INTS4: variants seen among roughly 807,000 people sequenced by gnomAD.
INTS4 encodes integrator complex subunit 4, also known as MSTP093.
Under a neutral mutation model 119.5 loss-of-function variants are expected in INTS4, and 70 were observed. The observed-to-expected ratio is 0.59, with a 90% CI of 0.48 to 0.71. The LOEUF is 0.71. Among genes scored for constraint, INTS4 ranks in the 30% least tolerant of loss-of-function variants. The pLI, the probability that INTS4 is intolerant of heterozygous loss-of-function variation, is 0.00. For missense variants in INTS4, 867 were observed against 1,173.2 expected, an observed-to-expected ratio of 0.74 and a Z score of 3.81; for synonymous variants, 316 against 419.6, an observed-to-expected ratio of 0.75 and a Z score of 3.02.
intron 2 of INTS4, among the ~76,000 whole-genome samples, chr11:77,982,061 GC>G (rs1316433173): frequency 6.8e-4 from 103 of 151,828 alleles, no homozygotes; most frequent in Non-Finnish European, 7.4e-5. Flanking sequence ...CAGTACCACT[GC>G]TTTTGGAGTC....
Position 77,949,162 on chromosome 11 carries a change from C to T in INTS4, c.918+6780G>A, listed in dbSNP as rs187365750. Among the ~76,000 whole-genome samples, 349 of 152,084 alleles carry T rather than the reference C, an allele frequency of 2.3e-3. 3 individuals are homozygous for T. The highest frequency in any genetic ancestry group is 3.7e-3 in the Non-Finnish European group (255 of 68,000). ...AATAAAATCTTGTCATTTGCCACAT[C>T]GATAAACCTGGAGGACATCATGTAA... On this transcript the variant is annotated intron_variant, in intron 8 of 22. Coordinates refer to ENST00000534064, the MANE Select transcript of INTS4 (RefSeq NM_033547.4).
chr11:77,960,040 G>A (rs913626221), intron 6 of INTS4, among the ~76,000 whole-genome samples: 1 of 152,078 alleles, frequency 6.6e-6, no homozygotes, highest in Non-Finnish European at 1.5e-5. Flanking sequence ...ACAGTGATCA[G>A]AAAGACTAAC....
chr11:77,956,792 G>A, intron 7 of INTS4, among the ~76,000 whole-genome samples: 1 of 150,386 alleles, frequency 6.6e-6, no homozygotes, highest in Non-Finnish European at 1.5e-5. Context: ...TAAGGCTGCA[G>A]GCTCAATAAA....
At chr11:77,983,500 C>T (rs944751023) in intron 2 of INTS4, among the ~76,000 whole-genome samples, 1 of 151,928 alleles carries the variant, frequency 6.6e-6, no homozygotes, top group Non-Finnish European at 1.5e-5. Flanking sequence ...AGAAACAACC[C>T]AAATCAAAAC....
rs1437145882 is a variant in INTS4, at chr11:77,928,431, G to A, written c.1282C>T (p.Arg428Cys). ...DMFNDEIEEV[R>C]LQSIHTMRKI... ...CTCATGGTATGTATAGACTGCAGAC[G>A]TACTTCCTCAATTTCATCGTTGAAC... Residue 428 changes from arginine to cysteine, a missense_variant, in exon 11 of 23, where the codon CGT becomes TGT. Around this residue, in one of 5 missense-constraint regions of INTS4, gnomAD observed 208 missense variants for 306.6 expected, o/e 0.68. Transcript: ENST00000534064. The A allele has an allele frequency of 7.4e-6, 12 of 1,611,834 alleles. No homozygotes were observed. The highest frequency in any genetic ancestry group is 4.4e-5 in the South Asian group (4 of 90,900).
At chr11:77,922,611 A>G (rs1953390436) in intron 12 of INTS4, 140 bp from the exon 13 acceptor site, 2 of 857,686 alleles carry the variant, frequency 2.3e-6, no homozygotes, top group East Asian at 2.7e-5. Context: ...ATGACTTCAG[A>G]TAAGTCACCC....
intron 8 of INTS4, among the ~76,000 whole-genome samples, chr11:77,942,560 T>TACCTCTC (rs1953954032): frequency 6.6e-6 from 1 of 152,236 alleles, no homozygotes. Flanking sequence ...TAATCCCATA[T>TACCTCTC]ACCTCTCATC....
chr11:77,911,382 G>T (rs1407169678), intron 15 of INTS4, among the ~76,000 whole-genome samples: 4 of 152,120 alleles, frequency 2.6e-5, no homozygotes, highest in African/African-American at 4.8e-5. Context: ...TTTTTCTCTT[G>T]CAAGAGACAG....
intron 19 of INTS4, among the ~76,000 whole-genome samples, chr11:77,892,579 A>AT (rs1321487463): frequency 6.6e-6 from 1 of 151,734 alleles, no homozygotes; most frequent in African/African-American, 2.4e-5. Flanking sequence ...CAAAACTAGA[A>AT]TTTTTTTTTA....
chr11:77,980,988 G>A (rs537578131), intron 3 of INTS4, among the ~76,000 whole-genome samples: 74 of 149,552 alleles, frequency 4.9e-4, no homozygotes, highest in Middle Eastern at 3.4e-3. Context: ...GCGAGACTCC[G>A]TTAAAAAAAA....
At chr11:77,902,319 T>C (rs1221765311) in intron 17 of INTS4, among the ~76,000 whole-genome samples, 4 of 152,154 alleles carry the variant, frequency 2.6e-5, no homozygotes, top group African/African-American at 4.8e-5. Context: ...TATACAGCAA[T>C]GGTAATTCCT....
At chr11:77,970,632 C>G (rs1443342008) in intron 4 of INTS4, among the ~76,000 whole-genome samples, 3 of 151,398 alleles carry the variant, frequency 2.0e-5, no homozygotes, top group Non-Finnish European at 4.4e-5. Flanking sequence ...AGTTCAAGAC[C>G]AGCCTGGGTA....
At chr11:77,958,613 G>A in intron 7 of INTS4, 133 bp downstream of exon 7, 1 of 624,144 alleles carries the variant, frequency 1.6e-6, no homozygotes, top group East Asian at 2.8e-5. Context: ...CAGGGCCTGT[G>A]CTTTTCCCTT....
intron 15 of INTS4, among the ~76,000 whole-genome samples, chr11:77,912,018 T>A (rs1953097952): frequency 6.6e-6 from 1 of 152,154 alleles, no homozygotes; most frequent in South Asian, 2.1e-4. Flanking sequence ...TTAAACTCTT[T>A]TCATTTATTT....
At position 77,984,501 on chromosome 11, in the gene INTS4, GA is replaced by G. The variant is rs111559039; in HGVS notation, c.247-2926del. On this transcript the variant is annotated intron_variant, in intron 2 of 22. Transcript: ENST00000534064. ...AGAGTGAGACTCTGTGTCAAAAAATGAAAAAAAAAAAAAGGTAGATGGTGGT... is the reference window on the plus strand; with the variant it reads ...AGAGTGAGACTCTGTGTCAAAAAATGAAAAAAAAAAAAGGTAGATGGTGGT... 2.4e-3 allele frequency among the ~76,000 whole-genome samples: 317 copies of G among 133,582 alleles called. 1 individual carries two copies. The highest frequency in any genetic ancestry group is 5.2e-3 in the African/African-American group (192 of 36,934). 87.6% of individuals were successfully genotyped at this position (133,582 alleles called of 152,430 possible). A position where few individuals can be genotyped will look rare whatever the true frequency, so the allele number is the denominator to read the frequency against.
intron 4 of INTS4, among the ~76,000 whole-genome samples, chr11:77,971,838 A>T (rs958200392): frequency 1.3e-5 from 2 of 152,094 alleles, no homozygotes; most frequent in African/African-American, 4.8e-5. Context: ...TCCACTCCAA[A>T]ATCCAAAGAC....
chr11:77,969,611 C>T (rs191027928), intron 4 of INTS4, among the ~76,000 whole-genome samples: 9 of 152,166 alleles, frequency 5.9e-5, no homozygotes, highest in East Asian at 1.9e-4. Context: ...TGCACTCAAG[C>T]GAGCTTCCCA....
intron 2 of INTS4, among the ~76,000 whole-genome samples, chr11:77,982,070 G>A (rs542541612): frequency 2.7e-4 from 41 of 151,716 alleles, no homozygotes; most frequent in Middle Eastern, 3.5e-3. Context: ...TGCTTTTGGA[G>A]TCCCTGGAAA....
At chr11:77,908,244 T>G (rs1953008262) in intron 15 of INTS4, among the ~76,000 whole-genome samples, 2 of 152,138 alleles carry the variant, frequency 1.3e-5, no homozygotes, top group Non-Finnish European at 2.9e-5. Context: ...TTTTTTTTAT[T>G]ATACTTTAAG....
Sources: allele counts gnomAD v4.1 joint callset (sites outside exome capture counted in the v4.1 genomes callset), GRCh38; gene constraint gnomAD v4.1.1; regional missense constraint gnomAD v4.1.1; transcripts MANE v1.5; gene names NCBI Gene and HGNC (gene_info 2026-07-23, HGNC 2026-07-21).